IREB2: variants seen among roughly 807,000 people sequenced by gnomAD.
IREB2 encodes iron responsive element binding protein 2, also known as iron-responsive element-binding protein 2.
Under a neutral mutation model 118.8 loss-of-function variants are expected in IREB2, and 39 were observed. That is an observed-to-expected ratio of 0.33 (90% CI 0.25 to 0.43). IREB2 has a LOEUF of 0.43. Among genes scored for constraint, IREB2 ranks in the 20% least tolerant of loss-of-function variants. The pLI, the probability that IREB2 is intolerant of heterozygous loss-of-function variation, is 1.00. For missense variants in IREB2, 900 were observed against 1,147.3 expected (o/e 0.78, Z 3.11); for synonymous variants, 372 against 392.2 (o/e 0.95, Z 0.61).
At chr15:78,488,976 T>C (rs2051706032) in intron 16 of IREB2, among the ~76,000 whole-genome samples, 1 of 152,138 alleles carries the variant, frequency 6.6e-6, no homozygotes, top group Non-Finnish European at 1.5e-5. Context: ...TCCCGACACT[T>C]TGGGAGGCTG....
rs757925861 is a variant in IREB2 at position 78,470,528 on chromosome 15, T to C, written c.630-4T>C. ...CGTTTAATGCCAGCTCTTCTTCCTT[T>C]TAGACCTGAAACAGTGTTAAAAAAT... On this transcript the variant is annotated splice_region_variant and splice_polypyrimidine_tract_variant and intron_variant, in intron 5 of 21. Coordinates refer to ENST00000258886, the MANE Select transcript of IREB2 (RefSeq NM_004136.4). The C allele has an allele frequency of 7.0e-6, 11 of 1,581,882 alleles. No individual in the cohort carries two copies. The highest frequency in any genetic ancestry group is 1.7e-6 in the Non-Finnish European group (2 of 1,159,256).
At chr15:78,463,166 T>TG in intron 3 of IREB2, 79 bp downstream of exon 3, 1 of 1,222,618 alleles carries the variant, frequency 8.2e-7, no homozygotes, top group African/African-American at 1.5e-5. Flanking sequence ...TGGGTAGGTG[T>TG]GGTTGTTCAT....
intron 13 of IREB2, 128 bp from the exon 14 acceptor site, chr15:78,487,605 G>T: frequency 1.7e-6 from 1 of 593,682 alleles, no homozygotes; most frequent in Non-Finnish European, 3.0e-6. Context: ...ATTGATGAAG[G>T]TTAATCCATG....
chr15:78,485,333 G>A (rs1473409529), intron 12 of IREB2, among the ~76,000 whole-genome samples: 2 of 152,166 alleles, frequency 1.3e-5, no homozygotes, highest in Admixed American at 1.3e-4. Flanking sequence ...CAATTCCTTA[G>A]TTGTATAAAA....
At chr15:78,442,329 G>A (rs901163861) in intron 2 of IREB2, among the ~76,000 whole-genome samples, 2 of 152,172 alleles carry the variant, frequency 1.3e-5, no homozygotes, top group Non-Finnish European at 2.9e-5. Context: ...GGAAGTATTT[G>A]GTTGTTTAAC....
chr15:78,486,014 T>C (rs1373403254), intron 13 of IREB2, among the ~76,000 whole-genome samples, 174 bp downstream of exon 13: 1 of 152,204 alleles, frequency 6.6e-6, no homozygotes, highest in East Asian at 1.9e-4. Context: ...AAACACTTAT[T>C]GGGCATATCA....
In IREB2 at chr15:78,438,248, C is replaced by G. The variant is rs1259545266; in HGVS notation, c.-90C>G. The G allele has an allele frequency of 4.0e-6, 4 of 994,884 alleles. No homozygotes were observed. The highest frequency in any genetic ancestry group is 2.0e-4 in the Middle Eastern group (1 of 4,906). 61.6% of individuals were successfully genotyped at this position (994,884 alleles called of 1,614,324 possible). On this transcript the variant is annotated 5_prime_UTR_variant, in exon 1 of 22. Coordinates refer to ENST00000258886, the MANE Select transcript of IREB2 (RefSeq NM_004136.4). ...CTTCCTTCTTTCCTCCCTTGCCAGT[C>G]CGCCTGTCTTCCTCCCCGTCTTCCC... is the stretch of plus-strand genomic sequence containing the variant.
intron 2 of IREB2, among the ~76,000 whole-genome samples, chr15:78,444,233 A>G (rs1488210098): frequency 6.6e-6 from 1 of 152,048 alleles, no homozygotes; most frequent in African/African-American, 2.4e-5. Context: ...ATTTGAAACT[A>G]TTGCTATTTT....
At position 78,498,230 on chromosome 15, in the gene IREB2, A is replaced by G. The variant is rs1195594214; in HGVS notation, c.*87A>G. The G allele has an allele frequency of 1.4e-6, 1 of 722,126 alleles. No homozygotes were observed. 44.7% of individuals were successfully genotyped at this position (722,126 alleles called of 1,614,324 possible). On this transcript the variant is annotated 3_prime_UTR_variant, in exon 22 of 22. Transcript: ENST00000258886. ...AGGAATCCTTACCATGGAGCAGCAG[A>G]TAGTCCCAGTATACTCACTTATCTC...
At position 78,465,238 on chromosome 15, in the gene IREB2, C is replaced by G; in HGVS notation, c.273-13C>G. 6.3e-7 allele frequency: 1 copy of G among 1,594,536 alleles called. No individual in the cohort carries two copies. Among genetic ancestry groups the G allele is most frequent in the Non-Finnish European group, 8.5e-7 (1 of 1,171,484 alleles). On this transcript the variant is annotated splice_polypyrimidine_tract_variant and intron_variant, in intron 3 of 21. Coordinates refer to ENST00000258886, the MANE Select transcript of IREB2 (RefSeq NM_004136.4). ...CAATTTGGACTATAATTTGACCATT[C>G]TTTATTTTTTAGTGGAATACCAGCA... is the stretch of plus-strand genomic sequence containing the variant.
chr15:78,465,552 G>A (rs147913790), intron 4 of IREB2, among the ~76,000 whole-genome samples, 164 bp downstream of exon 4: 60 of 152,306 alleles, frequency 3.9e-4, no homozygotes, highest in African/African-American at 1.3e-3. Context: ...TTATGGAGTG[G>A]TGGGGTTTTT....
chr15:78,447,179 CT>C (rs199780442), intron 2 of IREB2, among the ~76,000 whole-genome samples: 589 of 137,024 alleles, frequency 4.3e-3, no homozygotes, highest in African/African-American at 7.5e-3. Flanking sequence ...TTCTTTCTTT[CT>C]TTTTTTTTTT....
At chr15:78,461,051 C>T (rs2051188413) in intron 2 of IREB2, among the ~76,000 whole-genome samples, 1 of 152,100 alleles carries the variant, frequency 6.6e-6, no homozygotes, top group Non-Finnish European at 1.5e-5. Context: ...TAGTTCAGAA[C>T]CCCAAAGCTA....
At position 78,466,500 on chromosome 15, in the gene IREB2, G is replaced by A. The variant is rs1171294726; in HGVS notation, c.629+11G>A. On this transcript the variant is annotated intron_variant, in intron 5 of 21. Transcript: ENST00000258886. ...GCAACCAGTGCCTGAGTATGAGATT[G>A]TTTTTCTTAAAGTTTATTAATACCA... is the stretch of plus-strand genomic sequence containing the variant. 6.3e-7 allele frequency: 1 copy of A among 1,587,286 alleles called. No individual in the cohort carries two copies. Among genetic ancestry groups the A allele is most frequent in the African/African-American group, 1.3e-5 (1 of 74,314 alleles).
At chr15:78,442,601 A>T (rs2050861069) in intron 2 of IREB2, among the ~76,000 whole-genome samples, 1 of 152,240 alleles carries the variant, frequency 6.6e-6, no homozygotes, top group Non-Finnish European at 1.5e-5. Flanking sequence ...CTCCATGCTG[A>T]CTATGTCAGG....
At chr15:78,443,575 T>C (rs1462960574) in intron 2 of IREB2, among the ~76,000 whole-genome samples, 2 of 152,192 alleles carry the variant, frequency 1.3e-5, no homozygotes, top group African/African-American at 4.8e-5. Flanking sequence ...ATTTTGATCT[T>C]GTATGATTTT....
intron 2 of IREB2, among the ~76,000 whole-genome samples, chr15:78,451,018 G>A (rs189207188): frequency 4.6e-5 from 7 of 152,072 alleles, no homozygotes; most frequent in Non-Finnish European, 2.9e-5. Flanking sequence ...AGGCTGGAGT[G>A]CAGTGGCTCA....
intron 7 of IREB2, among the ~76,000 whole-genome samples, chr15:78,472,373 C>CT (rs985223563): frequency 1.0e-3 from 149 of 142,162 alleles, no homozygotes; most frequent in African/African-American, 1.7e-3. Flanking sequence ...TTTTCTTTTT[C>CT]TTTTTTTTTT....
chr15:78,484,384 C>T (rs16969895), intron 11 of IREB2, among the ~76,000 whole-genome samples: 2,689 of 152,238 alleles, frequency 0.018, 72 homozygotes, highest in African/African-American at 0.061. Flanking sequence ...CACTCACACA[C>T]ATAGGATCCC....
Sources: allele counts gnomAD v4.1 joint callset (sites outside exome capture counted in the v4.1 genomes callset), GRCh38; gene constraint gnomAD v4.1.1; transcripts MANE v1.5; gene names NCBI Gene and HGNC (gene_info 2026-07-23, HGNC 2026-07-21).